The following ZNF562 variants were observed in gnomAD, a reference collection of about 807,000 sequenced individuals.
ZNF562 encodes zinc finger protein 562.
ZNF562 carries 13 observed loss-of-function variants against 17.5 expected under a neutral mutation model. That is an observed-to-expected ratio of 0.74 (90% CI 0.48 to 1.18). ZNF562 has a LOEUF of 1.18. Among genes scored for constraint, ZNF562 ranks in the 50% most tolerant of loss-of-function variants. The pLI is 0.00. For synonymous variants in ZNF562, 163 were observed against 165.4 expected, an observed-to-expected ratio of 0.99 and a Z score of 0.11; for missense variants, 481 against 498.5, an observed-to-expected ratio of 0.96 and a Z score of 0.33.
At position 9,673,956 on chromosome 19, in the gene ZNF562, A is replaced by C. The variant is rs1453082797; in HGVS notation, c.-131+1059T>G. Among the ~76,000 whole-genome samples, 5 of 152,208 alleles carry C rather than the reference A, an allele frequency of 3.3e-5. No individual in the cohort carries two copies. The Middle Eastern group carries it at 0.01, about 311-fold the overall frequency. ...AGTTTTCATGCCACAAAAAAAAAGCACTCAAATATAACATTTTCTTTTCTC... is the reference window on the plus strand; with the variant it reads ...AGTTTTCATGCCACAAAAAAAAAGCCCTCAAATATAACATTTTCTTTTCTC... On this transcript the variant is annotated intron_variant, in intron 1 of 5. Coordinates refer to ENST00000453372, the MANE Select transcript of ZNF562 (RefSeq NM_001130031.2).
rs1299427660 is a variant in ZNF562, at chr19:9,641,843, G to C, written c.*11106C>G. The C allele has an allele frequency of 6.6e-6, 1 of 152,158 alleles. No homozygotes were observed. The highest frequency in any genetic ancestry group is 2.4e-5 in the African/African-American group (1 of 41,424). The allele number at this position is 152,158 out of a possible 1,614,324, so 9.4% of individuals were successfully genotyped here. ...ATGGCTGTGTATTACATCCGGATGT[G>C]GATGGGCTGTCCAACAAAACAGTCA... On this transcript the variant is annotated 3_prime_UTR_variant, in exon 6 of 6. Transcript: ENST00000453372.
intron 1 of ZNF562, among the ~76,000 whole-genome samples, chr19:9,669,776 A>ACC (rs1555699562): frequency 2.0e-4 from 28 of 143,080 alleles, no homozygotes; most frequent in African/African-American, 7.6e-4. Context: ...ACACACACAC[A>ACC]ACCAGTCAGG....
At chr19:9,660,246 G>C (rs74178168) in intron 2 of ZNF562, among the ~76,000 whole-genome samples, 1 of 151,474 alleles carries the variant, frequency 6.6e-6, no homozygotes, top group Non-Finnish European at 1.5e-5. Context: ...CTGGGTGACA[G>C]AGCAAGATTC....
At position 9,658,058 on chromosome 19, in the gene ZNF562, G is replaced by T. The variant is rs1235461256; in HGVS notation, c.192C>A (p.Tyr64Ter). 2 of 1,613,796 alleles carry T rather than the reference G, an allele frequency of 1.2e-6. No individual in the cohort carries two copies. The highest frequency in any genetic ancestry group is 1.7e-6 in the Non-Finnish European group (2 of 1,179,844). ...TCTCCAGCATCACATCTCTGTAGAG[G>T]TATTTCTGAGTTGTGTCCAGTAAAG... is the stretch of plus-strand genomic sequence containing the variant. Reference protein sequence around the residue: ...EWALLDTTQKYLYRDVMLENY... With the variant: ...EWALLDTTQK The change falls in exon 4 of 6, where the codon TAC becomes TAA. Residue 64 changes from tyrosine (Y) to a stop codon, truncating the protein, a stop_gained. Coordinates refer to ENST00000453372, the MANE Select transcript of ZNF562 (RefSeq NM_001130031.2). LOFTEE classifies it high-confidence loss of function.
In ZNF562 at chr19:9,649,311, T is replaced by G. The variant is rs898314640; in HGVS notation, c.*3638A>C. The G allele has an allele frequency of 1.3e-5, 2 of 152,180 alleles. No homozygotes were observed. Among genetic ancestry groups the G allele is most frequent in the Non-Finnish European group, 2.9e-5 (2 of 68,036 alleles). 9.4% of individuals were successfully genotyped at this position (152,180 alleles called of 1,614,324 possible). On this transcript the variant is annotated 3_prime_UTR_variant, in exon 6 of 6. Coordinates refer to ENST00000453372, the MANE Select transcript of ZNF562 (RefSeq NM_001130031.2). ...CATTAACTGCACAAATTATACAGCA[T>G]GTGTGTTTGAGCAATATGAAATCTG...
At chr19:9,659,030 A>T (rs73501244) in intron 3 of ZNF562, among the ~76,000 whole-genome samples, 2,491 of 152,338 alleles carry the variant, frequency 0.016, 59 homozygotes, top group African/African-American at 0.057. Flanking sequence ...ACTCCTCAGC[A>T]CACTGCAGAT....
intron 5 of ZNF562, among the ~76,000 whole-genome samples, chr19:9,654,826 C>G (rs1308910949): frequency 8.5e-5 from 13 of 152,174 alleles, no homozygotes; most frequent in Non-Finnish European, 1.6e-4. Context: ...CCCGTCTCAG[C>G]CTCCCAAACT....
At chr19:9,654,070 A>T (rs2043370302) in intron 5 of ZNF562, among the ~76,000 whole-genome samples, 189 bp from the exon 6 acceptor site, 1 of 150,570 alleles carries the variant, frequency 6.6e-6, no homozygotes, top group South Asian at 2.1e-4. Context: ...TGCTAACTGC[A>T]ACCTTCACCT....
intron 1 of ZNF562, among the ~76,000 whole-genome samples, chr19:9,663,716 G>T (rs7248869): frequency 2.0e-5 from 3 of 150,070 alleles, no homozygotes; most frequent in Admixed American, 6.7e-5. Flanking sequence ...TCATTCTGTC[G>T]CCCAGGCTGG....
At chr19:9,661,353 C>G (rs774682724) in intron 1 of ZNF562, among the ~76,000 whole-genome samples, 2 of 152,146 alleles carry the variant, frequency 1.3e-5, no homozygotes, top group Non-Finnish European at 2.9e-5. Flanking sequence ...GAGTCTCACT[C>G]TGTTGCCCAG....
rs1276743378 is a variant in ZNF562, at chr19:9,648,973, GA to G, written c.*3975del. 2.0e-5 allele frequency: 3 copies of G among 152,120 alleles called. No individual in the cohort carries two copies. Among genetic ancestry groups the G allele is most frequent in the African/African-American group, 7.2e-5 (3 of 41,422 alleles). The allele number at this position is 152,120 out of a possible 1,614,324, so 9.4% of individuals were successfully genotyped here. Reference sequence around the variant, plus strand: ...TCATCATGTAAAAACTGGATATAAAGAAAAAACTTTTCCTGCAGGACATTGT... The same window carrying G: ...TCATCATGTAAAAACTGGATATAAAGAAAAACTTTTCCTGCAGGACATTGT... On this transcript the variant is annotated 3_prime_UTR_variant, in exon 6 of 6. Coordinates refer to ENST00000453372, the MANE Select transcript of ZNF562 (RefSeq NM_001130031.2).
chr19:9,656,025 A>T (rs1459808369), intron 5 of ZNF562, among the ~76,000 whole-genome samples: 1 of 151,900 alleles, frequency 6.6e-6, no homozygotes, highest in African/African-American at 2.4e-5. Flanking sequence ...GAGCCACCAC[A>T]TCCAGCCTCT....
chr19:9,659,334 G>T (rs1568268658), intron 3 of ZNF562, 45 bp downstream of exon 3: 3 of 1,483,500 alleles, frequency 2.0e-6, no homozygotes, highest in Non-Finnish European at 2.8e-6. Context: ...TCTACCTATT[G>T]GATGTAAGTA....
intron 5 of ZNF562, among the ~76,000 whole-genome samples, chr19:9,654,319 TG>T (rs1266527152): frequency 6.6e-6 from 1 of 152,120 alleles, no homozygotes; most frequent in Non-Finnish European, 1.5e-5. Flanking sequence ...GCTGGGGTTT[TG>T]CTCCATTGCC....
At chr19:9,657,882 G>C (rs2043573949) in intron 4 of ZNF562, 127 bp downstream of exon 4, 1 of 1,267,788 alleles carries the variant, frequency 7.9e-7, no homozygotes. Flanking sequence ...TTAGAGATGA[G>C]GTTTCACAAT....
Position 9,643,492 on chromosome 19 carries a change from C to T in ZNF562, c.*9457G>A, listed in dbSNP as rs1461950164. The T allele has an allele frequency of 2.0e-5, 3 of 152,024 alleles. No individual in the cohort carries two copies. The highest frequency in any genetic ancestry group is 4.4e-5 in the Non-Finnish European group (3 of 67,994). The allele number at this position is 152,024 out of a possible 1,614,324, so 9.4% of individuals were successfully genotyped here. A position where few individuals can be genotyped will look rare whatever the true frequency, so the allele number is the denominator to read the frequency against. Reference sequence around the variant, plus strand: ...AATGAGCCAGAGCCAACCTTATATTCCTGCAGTAAATGCCACTGGGTTTAC... The same window carrying T: ...AATGAGCCAGAGCCAACCTTATATTTCTGCAGTAAATGCCACTGGGTTTAC... On this transcript the variant is annotated 3_prime_UTR_variant, in exon 6 of 6. Coordinates refer to ENST00000453372, the MANE Select transcript of ZNF562 (RefSeq NM_001130031.2).
In ZNF562 at chr19:9,655,817, C is replaced by T. The variant is rs539547554; in HGVS notation, c.348+730G>A. 2.8e-5 allele frequency among the ~76,000 whole-genome samples: 4 copies of T among 141,076 alleles called. No homozygotes were observed. The Admixed American group carries it at 3.1e-4, about 11-fold the overall frequency. 92.6% of individuals were successfully genotyped at this position (141,076 alleles called of 152,430 possible). ...GGTGCAGTGCTGGCTCACTCAGCAA[C>T]CTCGGCCTCTGGGTAAGCAATTGTC... On this transcript the variant is annotated intron_variant, in intron 5 of 5. Coordinates refer to ENST00000453372, the MANE Select transcript of ZNF562 (RefSeq NM_001130031.2).
chr19:9,653,634 T>C lies in ZNF562; in HGVS notation c.596A>G (p.Asn199Ser), dbSNP rs767879920. 4 of 1,613,954 alleles carry C rather than the reference T, an allele frequency of 2.5e-6. No individual in the cohort carries two copies. Among genetic ancestry groups the C allele is most frequent in the Non-Finnish European group, 3.4e-6 (4 of 1,179,932 alleles). ...PGLAVHLEILNGRQPYKCKEC... is the reference protein window; with the variant it reads ...PGLAVHLEILSGRQPYKCKEC... ...CTTACATTTGTAGGGTTGTCTTCCA[T>C]TGAGAATTTCAAGATGCACAGCAAG... The change falls in exon 6 of 6, where the codon AAT (asparagine) becomes AGT (serine). Residue 199 changes from asparagine to serine, a missense_variant. Physicochemically the swap from Asn to Ser is conservative, Grantham distance 46. Transcript: ENST00000453372.
chr19:9,656,441 G>A lies in ZNF562; in HGVS notation c.348+106C>T, dbSNP rs149135347. 8,282 of 1,222,658 alleles carry A rather than the reference G, an allele frequency of 6.8e-3. 412 individuals carry two copies. In the African/African-American group the frequency reaches 0.11, roughly 16 times the overall value. The allele number at this position is 1,222,658 out of a possible 1,614,324, so 75.7% of individuals were successfully genotyped here. ...AGAGAATCGCTTGAACCTGGGAGTTGGAGGTTGCGGTGAGCTGAGATGGTG... is the reference window on the plus strand; with the variant it reads ...AGAGAATCGCTTGAACCTGGGAGTTAGAGGTTGCGGTGAGCTGAGATGGTG... On this transcript the variant is annotated intron_variant, in intron 5 of 5. Coordinates refer to ENST00000453372, the MANE Select transcript of ZNF562 (RefSeq NM_001130031.2).
Sources: gnomAD v4.1 joint callset for allele counts (sites outside exome capture counted in the v4.1 genomes callset) on GRCh38, gnomAD v4.1.1 for gene constraint, MANE v1.5 for transcripts, NCBI Gene and HGNC (gene_info 2026-07-23, HGNC 2026-07-21) for gene names.